MAP2K6: variants seen among roughly 807,000 people sequenced by gnomAD.
MAP2K6 encodes the protein dual specificity mitogen-activated protein kinase kinase 6.
Under a neutral mutation model 53.7 loss-of-function variants are expected in MAP2K6, and 16 were observed. The ratio of observed to expected loss-of-function variants is 0.30; its 90% CI spans 0.20 to 0.45. The LOEUF (loss-of-function observed/expected upper bound fraction) is 0.45. MAP2K6 is among the 20% of genes least tolerant of loss of function. The pLI, the probability that MAP2K6 is intolerant of heterozygous loss-of-function variation, is 1.00. For missense variants in MAP2K6, 204 were observed against 411.9 expected (o/e 0.50, Z 4.37); for synonymous variants, 132 against 143.1 (o/e 0.92, Z 0.55).
At chr17:69,471,184 A>C (rs1313091014) in intron 1 of MAP2K6, among the ~76,000 whole-genome samples, 1 of 152,236 alleles carries the variant, frequency 6.6e-6, no homozygotes, top group Non-Finnish European at 1.5e-5. Flanking sequence ...ACTTGGTATG[A>C]TTTCATTTTG....
intron 10 of MAP2K6, among the ~76,000 whole-genome samples, chr17:69,527,496 C>T (rs2716205): frequency 0.59 from 89,894 of 152,102 alleles, 26,753 homozygotes; most frequent in Middle Eastern, 0.71. Flanking sequence ...ATTCTCTAGA[C>T]AATCCAGTAA....
chr17:69,452,180 C>G (rs965122345), intron 1 of MAP2K6, among the ~76,000 whole-genome samples: 31 of 150,838 alleles, frequency 2.1e-4, no homozygotes, highest in African/African-American at 7.6e-4. Context: ...GTTTTCATAA[C>G]TGGGGTAGGG....
rs143729311 is a variant in MAP2K6 at position 69,459,155 on chromosome 17, T to G, written c.16+44155T>G. On this transcript the variant is annotated intron_variant, in intron 1 of 11. Transcript: ENST00000590474. ...TAAAAACGTGTTTTACAAATTCAGG[T>G]TTACTGTGATTTTTTTTAAACATTA... 3.7e-3 allele frequency among the ~76,000 whole-genome samples: 565 copies of G among 152,240 alleles called. 2 individuals carry two copies. Among genetic ancestry groups the G allele is most frequent in the African/African-American group, 0.012 (510 of 41,542 alleles).
At chr17:69,437,800 T>C (rs1032304377) in intron 1 of MAP2K6, among the ~76,000 whole-genome samples, 1 of 152,266 alleles carries the variant, frequency 6.6e-6, no homozygotes, top group Non-Finnish European at 1.5e-5. Context: ...GATTCACCTA[T>C]TCTAGATATT....
chr17:69,422,825 T>C (rs1019085722), intron 1 of MAP2K6, among the ~76,000 whole-genome samples: 2 of 152,230 alleles, frequency 1.3e-5, no homozygotes, highest in Non-Finnish European at 2.9e-5. Flanking sequence ...CTGGTGGGCC[T>C]GTGCAGCAAA....
chr17:69,492,741 G>A (rs1054716244), intron 1 of MAP2K6, among the ~76,000 whole-genome samples: 1 of 152,096 alleles, frequency 6.6e-6, no homozygotes, highest in Admixed American at 6.5e-5. Context: ...GGACACTTCT[G>A]ATTGCATTTA....
At chr17:69,486,718 T>G (rs1290816677) in intron 1 of MAP2K6, among the ~76,000 whole-genome samples, 1 of 152,164 alleles carries the variant, frequency 6.6e-6, no homozygotes, top group African/African-American at 2.4e-5. Flanking sequence ...GCTAAAGTAA[T>G]TTATGTCAAG....
chr17:69,417,384 A>G (rs1448294208), intron 1 of MAP2K6, among the ~76,000 whole-genome samples: 1 of 152,212 alleles, frequency 6.6e-6, no homozygotes, highest in Admixed American at 6.5e-5. Flanking sequence ...CTAGATCACT[A>G]TAATTCGGTT....
Position 69,522,578 on chromosome 17 carries a change from G to A in MAP2K6, c.536-936G>A, listed in dbSNP as rs146679554. 5.2e-3 allele frequency among the ~76,000 whole-genome samples: 796 copies of A among 152,044 alleles called. 8 individuals are homozygous for A. The highest frequency in any genetic ancestry group is 0.018 in the African/African-American group (743 of 41,446). ...CAAATGTTATTATCCAGAGATAATCGTAGTTCCATTTTTTGGGCATATGGG... is the reference window on the plus strand; with the variant it reads ...CAAATGTTATTATCCAGAGATAATCATAGTTCCATTTTTTGGGCATATGGG... On this transcript the variant is annotated intron_variant, in intron 7 of 11. Transcript: ENST00000590474.
intron 1 of MAP2K6, among the ~76,000 whole-genome samples, chr17:69,474,015 G>A (rs1908059873): frequency 6.6e-6 from 1 of 152,160 alleles, no homozygotes; most frequent in South Asian, 2.1e-4. Context: ...GCAAATAAAT[G>A]CTCCTAATGC....
chr17:69,458,267 G>A (rs1289329572), intron 1 of MAP2K6, among the ~76,000 whole-genome samples: 1 of 152,118 alleles, frequency 6.6e-6, no homozygotes, highest in African/African-American at 2.4e-5. Context: ...TGGCCAGGCT[G>A]GTCTCAAACT....
chr17:69,465,836 C>T (rs1290918944), intron 1 of MAP2K6, among the ~76,000 whole-genome samples: 1 of 150,704 alleles, frequency 6.6e-6, no homozygotes, highest in Non-Finnish European at 1.5e-5. Flanking sequence ...CTAGGCTGGT[C>T]TCAAACTACT....
At chr17:69,518,658 T>C (rs1315110865) in intron 4 of MAP2K6, among the ~76,000 whole-genome samples, 1 of 152,208 alleles carries the variant, frequency 6.6e-6, no homozygotes, top group Non-Finnish European at 1.5e-5. Flanking sequence ...ATGGGAATAC[T>C]TTTATCTTGT....
At chr17:69,530,810 A>G (rs927422808) in intron 10 of MAP2K6, among the ~76,000 whole-genome samples, 6 of 152,148 alleles carry the variant, frequency 3.9e-5, no homozygotes, top group African/African-American at 1.4e-4. Context: ...TCATACATAT[A>G]TTAATATATG....
chr17:69,430,603 C>G (rs1183653081), intron 1 of MAP2K6, among the ~76,000 whole-genome samples: 2 of 152,154 alleles, frequency 1.3e-5, no homozygotes, highest in Non-Finnish European at 2.9e-5. Flanking sequence ...AAAAGAGCAA[C>G]AGAAACTAGT....
intron 1 of MAP2K6, among the ~76,000 whole-genome samples, chr17:69,470,095 C>T (rs1907938896): frequency 6.6e-6 from 1 of 152,118 alleles, no homozygotes; most frequent in African/African-American, 2.4e-5. Context: ...GTCCTAGCTA[C>T]TCAGGAGGCT....
At chr17:69,443,038 G>T (rs575139281) in intron 1 of MAP2K6, among the ~76,000 whole-genome samples, 17 of 151,770 alleles carry the variant, frequency 1.1e-4, no homozygotes, top group Non-Finnish European at 1.8e-4. Context: ...GTGTTTTATT[G>T]TCTCTTCCCA....
intron 1 of MAP2K6, among the ~76,000 whole-genome samples, chr17:69,447,167 C>T (rs893989889): frequency 2.6e-5 from 4 of 151,602 alleles, no homozygotes; most frequent in Admixed American, 1.3e-4. Flanking sequence ...TTAATAGAGA[C>T]GGGGTTTCAC....
intron 10 of MAP2K6, among the ~76,000 whole-genome samples, chr17:69,532,660 G>A (rs1368436554): frequency 1.3e-5 from 2 of 152,154 alleles, no homozygotes; most frequent in Admixed American, 1.3e-4. Flanking sequence ...ATGTTTTGAA[G>A]TGTTCTTGAT....
Sources: gnomAD v4.1 joint callset for allele counts (sites outside exome capture counted in the v4.1 genomes callset) on GRCh38, gnomAD v4.1.1 for gene constraint, MANE v1.5 for transcripts, NCBI Gene and HGNC (gene_info 2026-07-23, HGNC 2026-07-21) for gene names.